The following MFSD11 variants were observed in gnomAD, a reference collection of about 807,000 sequenced individuals.
The protein encoded by MFSD11 is major facilitator superfamily domain containing 11, also known as UNC93-like protein MFSD11.
In MFSD11, 36 loss-of-function variants were observed where a neutral mutation model predicts 53.5. The observed-to-expected ratio is 0.67, with a 90% confidence interval of 0.52 to 0.89. The LOEUF (loss-of-function observed/expected upper bound fraction) is 0.89. Ranked by LOEUF, MFSD11 falls within the 40% of genes least tolerant of loss-of-function variation. The pLI is 0.00. For missense variants in MFSD11, 530 were observed against 543.9 expected (o/e 0.97, Z 0.25); for synonymous variants, 186 against 184.9 (o/e 1.01, Z -0.05).
chr17:76,795,161 G>A, the MFSD11 span, among the ~76,000 whole-genome samples: 1 of 151,802 alleles, frequency 6.6e-6, no homozygotes, highest in Non-Finnish European at 1.5e-5. Flanking sequence ...TATTTACATA[G>A]CATTTACATT....
chr17:76,745,950 C>T (rs1032642050), intron 7 of MFSD11, among the ~76,000 whole-genome samples: 1 of 152,078 alleles, frequency 6.6e-6, no homozygotes, highest in Non-Finnish European at 1.5e-5. Context: ...TACAGGCATG[C>T]ACCACCACAC....
upstream of MFSD11, chr17:76,737,154 A>G (rs1474816451): frequency 1.3e-6 from 2 of 1,576,748 alleles, no homozygotes. Flanking sequence ...GGGCGGCCGT[A>G]GCTCATAGCT....
At chr17:76,799,530 T>C in the MFSD11 span, 6 of 152,102 alleles carry the variant, frequency 3.9e-5, no homozygotes, top group Non-Finnish European at 8.8e-5. Context: ...GCCTCCTGAG[T>C]AGCTGGGATT....
chr17:76,762,793 T>G (rs1210614755), intron 8 of MFSD11, among the ~76,000 whole-genome samples: 1 of 151,714 alleles, frequency 6.6e-6, no homozygotes, highest in East Asian at 1.9e-4. Context: ...TAGAAAGCAA[T>G]TAAGCACCGG....
At chr17:76,802,660 C>G in the MFSD11 span, among the ~76,000 whole-genome samples, 2 of 152,182 alleles carry the variant, frequency 1.3e-5, no homozygotes, top group African/African-American at 4.8e-5. Context: ...AGGCAAATCA[C>G]TTAAGGTCAG....
intron 7 of MFSD11, among the ~76,000 whole-genome samples, chr17:76,749,037 GAAAC>G (rs1833567561): frequency 6.6e-6 from 1 of 152,166 alleles, no homozygotes; most frequent in Non-Finnish European, 1.5e-5. Flanking sequence ...AGAGAGAAAA[GAAAC>G]AGGCAGGTTT....
chr17:76,774,382 C>T (rs764924776), intron 10 of MFSD11, among the ~76,000 whole-genome samples: 3 of 152,192 alleles, frequency 2.0e-5, no homozygotes, highest in Non-Finnish European at 2.9e-5. Context: ...AGACCCTGCA[C>T]CCAGCCATCC....
intron 8 of MFSD11, among the ~76,000 whole-genome samples, chr17:76,754,983 C>A (rs1183413357): frequency 6.6e-6 from 1 of 152,050 alleles, no homozygotes; most frequent in Non-Finnish European, 1.5e-5. Flanking sequence ...TTTGGGAGGT[C>A]ATGGTGAGTG....
chr17:76,741,195 C>T, intron 3 of MFSD11, 131 bp downstream of exon 3: 1 of 646,504 alleles, frequency 1.5e-6, no homozygotes, highest in South Asian at 1.9e-5. Flanking sequence ...AATTTTGGCT[C>T]AGTACTTGTT....
chr17:76,742,501 C>CTT (rs780975145), intron 5 of MFSD11, among the ~76,000 whole-genome samples: 8 of 144,108 alleles, frequency 5.6e-5, no homozygotes, highest in Admixed American at 1.4e-4. Flanking sequence ...AGCATACTAA[C>CTT]TTTTTTTTTT....
rs768518952 is a variant in MFSD11, at chr17:76,742,245, G to A, written c.409G>A (p.Gly137Arg). ...TGAGCACAGCATTGGGAGAAACAGT[G>A]GGATTTTCTGGGCACTTCTGCAGTC... ...SDEHSIGRNS[G>R]IFWALLQSSL... is the part of the protein sequence containing the mutation. The change falls in exon 5 of 13, where the codon GGG (glycine) becomes AGG (arginine). Residue 137 changes from glycine (G) to arginine (R), a missense_variant. Physicochemically the swap from Gly to Arg is moderately radical, Grantham distance 125 (BLOSUM62 -2). Transcript: ENST00000685175. 2 of 1,614,090 alleles carry A rather than the reference G, an allele frequency of 1.2e-6. No individual in the cohort carries two copies. The highest frequency in any genetic ancestry group is 1.7e-6 in the Non-Finnish European group (2 of 1,179,974).
chr17:76,747,685 A>T (rs73996699), intron 7 of MFSD11, among the ~76,000 whole-genome samples: 4,977 of 152,242 alleles, frequency 0.033, 265 homozygotes, highest in African/African-American at 0.11. Flanking sequence ...GGAGTCTGTG[A>T]AAGTGAATAC....
chr17:76,778,374 C>T lies in MFSD11; in HGVS notation c.*22C>T, dbSNP rs762716687. 1.4e-5 allele frequency: 22 copies of T among 1,612,572 alleles called. No homozygotes were observed. Among genetic ancestry groups the T allele is most frequent in the Middle Eastern group, 3.3e-4 (2 of 6,052 alleles). ...CTGATCTGGTGTCCGTGAGGGGACA[C>T]GTATGACCTCAGAAACACAGCTGGA... On this transcript the variant is annotated 3_prime_UTR_variant, in exon 13 of 13. Coordinates refer to ENST00000685175, the MANE Select transcript of MFSD11 (RefSeq NM_001242532.5).
At chr17:76,801,379 AAAAAAAAGGAAAAGAAAAG>A in the MFSD11 span, among the ~76,000 whole-genome samples, 1 of 151,482 alleles carries the variant, frequency 6.6e-6, no homozygotes, top group African/African-American at 2.4e-5. Context: ...AAAAAAAAAA[AAAAAAAAGGAAAAGAAAAG>A]AAAAAGGAAG....
intron 10 of MFSD11, among the ~76,000 whole-genome samples, chr17:76,772,501 T>G (rs1241010541): frequency 1.3e-5 from 2 of 150,542 alleles, no homozygotes; most frequent in South Asian, 4.2e-4. Context: ...TTGTTAACGC[T>G]CTACCTTAGT....
intron 8 of MFSD11, among the ~76,000 whole-genome samples, chr17:76,765,452 CTTTTTTT>C (rs59878271): frequency 0.024 from 2,173 of 91,340 alleles, 16 homozygotes; most frequent in African/African-American, 0.069. Flanking sequence ...CTTGAATTTC[CTTTTTTT>C]TTTTTTTTTT....
At chr17:76,770,971 G>A (rs1478272368) in intron 10 of MFSD11, among the ~76,000 whole-genome samples, 2 of 152,344 alleles carry the variant, frequency 1.3e-5, no homozygotes, top group East Asian at 1.9e-4. Context: ...TTGGGAGGCC[G>A]AGGTGGGAGG....
chr17:76,746,232 C>A (rs2144238015), intron 7 of MFSD11, among the ~76,000 whole-genome samples: 1 of 152,298 alleles, frequency 6.6e-6, no homozygotes, highest in African/African-American at 2.4e-5. Context: ...CAGAGCAAGT[C>A]CCTCTCTTCA....
the MFSD11 span, among the ~76,000 whole-genome samples, chr17:76,792,493 A>G: frequency 6.7e-6 from 1 of 148,874 alleles, no homozygotes; most frequent in African/African-American, 2.5e-5. Flanking sequence ...ACAAGTAATT[A>G]TCAACTAGAA....
Sources: gnomAD v4.1 joint callset for allele counts (sites outside exome capture counted in the v4.1 genomes callset) on GRCh38, gnomAD v4.1.1 for gene constraint, MANE v1.5 for transcripts, NCBI Gene and HGNC (gene_info 2026-07-23, HGNC 2026-07-21) for gene names.